ZFHX3: variants seen among roughly 807,000 people sequenced by gnomAD.
ZFHX3 encodes the protein zinc finger homeobox 3.
In ZFHX3, 42 loss-of-function variants were observed where a neutral mutation model predicts 279.1. The ratio of observed to expected loss-of-function variants is 0.15; its 90% CI spans 0.12 to 0.19. ZFHX3 has a LOEUF of 0.19. Among genes scored for constraint, ZFHX3 ranks in the 10% least tolerant of loss-of-function variants. ZFHX3 has a pLI of 1.00. For synonymous variants in ZFHX3, 2,293 were observed against 1,957.8 expected, an observed-to-expected ratio of 1.17 and a Z score of -4.52; for missense variants, 4,981 against 4,754.0, an observed-to-expected ratio of 1.05 and a Z score of -1.40.
intron 2 of ZFHX3, among the ~76,000 whole-genome samples, chr16:73,544,647 G>C (rs553559679): frequency 6.6e-6 from 1 of 152,284 alleles, no homozygotes; most frequent in Admixed American, 6.5e-5. Context: ...AAGGGGATGG[G>C]GATCTGGCCA....
At chr16:73,118,610 G>T (rs1355826880) in intron 7 of ZFHX3, among the ~76,000 whole-genome samples, 1 of 152,114 alleles carries the variant, frequency 6.6e-6, no homozygotes, top group African/African-American at 2.4e-5. Flanking sequence ...TGTATTGGGG[G>T]TAGATAACTT....
In ZFHX3 at chr16:73,654,004, G is replaced by A. The variant is rs539671840; in HGVS notation, c.-1547+26176C>T. On this transcript the variant is annotated intron_variant, in intron 2 of 17. Coordinates refer to the ZFHX3 transcript ENST00000641206. ...TCAAGACCATCCTGGCCAACATGGTGAAACCCCGTCTCTACTAAAAATACA... is the reference window on the plus strand; with the variant it reads ...TCAAGACCATCCTGGCCAACATGGTAAAACCCCGTCTCTACTAAAAATACA... 6.4e-4 allele frequency among the ~76,000 whole-genome samples: 97 copies of A among 152,072 alleles called. 2 individuals carry two copies. In the South Asian group the frequency reaches 0.018, roughly 29 times the overall value.
intron 4 of ZFHX3, among the ~76,000 whole-genome samples, chr16:73,292,100 A>T (rs2014786432): frequency 6.6e-6 from 1 of 152,188 alleles, no homozygotes; most frequent in Non-Finnish European, 1.5e-5. Flanking sequence ...TCTTATAGAT[A>T]GTTGTATAGA....
rs144048126 is a variant in ZFHX3, at chr16:73,197,594, A to G, written c.-1103-53763T>C. On this transcript the variant is annotated intron_variant, in intron 5 of 17. Coordinates refer to the ZFHX3 transcript ENST00000641206. ...CCCATGACTTATCTGGATATTTCAG[A>G]GAAAAGTATTTTCTTTTTGGGATTT... Among the ~76,000 whole-genome samples the G allele has an allele frequency of 6.2e-3, 948 of 152,358 alleles. 4 individuals carry two copies. Among genetic ancestry groups the G allele is most frequent in the Middle Eastern group, 0.017 (5 of 294 alleles).
chr16:73,210,700 A>C (rs575807429), intron 5 of ZFHX3, among the ~76,000 whole-genome samples: 65 of 152,192 alleles, frequency 4.3e-4, no homozygotes, highest in Admixed American at 1.8e-3. Context: ...TCAGCTCTGC[A>C]GAGGTGAGCT....
chr16:73,262,944 G>C (rs1048952515), intron 4 of ZFHX3, among the ~76,000 whole-genome samples: 2 of 152,030 alleles, frequency 1.3e-5, no homozygotes, highest in Non-Finnish European at 2.9e-5. Context: ...TGAGTGAGGG[G>C]CCCCAGAGCT....
rs369348394 is a variant in ZFHX3 at position 72,925,131 on chromosome 16, C to T, written c.3216+25338G>A. ...TACAATCTGTGCTTTGTGTGCTGTG[C>T]AAATAACCTGTGGGGCTGGAGCAAG... On this transcript the variant is annotated intron_variant, in intron 3 of 9. Coordinates refer to ENST00000268489, the MANE Select transcript of ZFHX3 (RefSeq NM_006885.4). Among the ~76,000 whole-genome samples, 100 of 152,314 alleles carry T rather than the reference C, an allele frequency of 6.6e-4. 2 individuals are homozygous for T. The South Asian group carries it at 0.02, about 30-fold the overall frequency.
At chr16:73,853,730 T>C (rs1017901173) in intron 1 of ZFHX3, among the ~76,000 whole-genome samples, 1 of 152,134 alleles carries the variant, frequency 6.6e-6, no homozygotes, top group Non-Finnish European at 1.5e-5. Context: ...CCAGGTACAA[T>C]GTTGACTATT....
intron 6 of ZFHX3, among the ~76,000 whole-genome samples, chr16:73,134,798 A>G (rs1415997144): frequency 1.3e-5 from 2 of 152,090 alleles, no homozygotes; most frequent in Non-Finnish European, 2.9e-5. Flanking sequence ...TTGGCTGCCA[A>G]TAAAATGTAA....
intron 1 of ZFHX3, among the ~76,000 whole-genome samples, chr16:73,797,734 C>G (rs73602093): frequency 6.7e-6 from 1 of 150,318 alleles, no homozygotes; most frequent in Non-Finnish European, 1.5e-5. Flanking sequence ...TCAGTTTCTT[C>G]GTCTAAAAAT....
At chr16:72,811,394 G>C (rs1285223686) in intron 7 of ZFHX3, among the ~76,000 whole-genome samples, 183 bp downstream of exon 7, 1 of 152,184 alleles carries the variant, frequency 6.6e-6, no homozygotes, top group African/African-American at 2.4e-5. Context: ...AGCACTTTGG[G>C]CTATGGTCAT....
intron 5 of ZFHX3, among the ~76,000 whole-genome samples, chr16:73,243,981 T>C (rs2013205610): frequency 6.6e-6 from 1 of 152,214 alleles, no homozygotes; most frequent in African/African-American, 2.4e-5. Context: ...CTCAGTTGGA[T>C]GTGAGGTCTG....
intron 1 of ZFHX3, among the ~76,000 whole-genome samples, chr16:73,792,753 C>T (rs1486700081): frequency 6.6e-6 from 1 of 152,074 alleles, no homozygotes; most frequent in Non-Finnish European, 1.5e-5. Flanking sequence ...AGGCTGGCGG[C>T]TCAAGGGTTA....
intron 1 of ZFHX3, among the ~76,000 whole-genome samples, chr16:73,845,177 G>A (rs760175244): frequency 5.3e-5 from 8 of 152,152 alleles, no homozygotes; most frequent in Admixed American, 2.0e-4. Flanking sequence ...ACATGCACGC[G>A]ACCATAGGAA....
chr16:73,450,897 C>G (rs999591868), intron 3 of ZFHX3, among the ~76,000 whole-genome samples: 4 of 149,444 alleles, frequency 2.7e-5, no homozygotes, highest in African/African-American at 1.0e-4. Context: ...TTTTATTTTT[C>G]TTGGCTGCTT....
At chr16:72,803,513 T>TG (rs2036174797) in intron 7 of ZFHX3, among the ~76,000 whole-genome samples, 1 of 152,114 alleles carries the variant, frequency 6.6e-6, no homozygotes, top group Admixed American at 6.5e-5. Context: ...TACCACCAAT[T>TG]TTCCTGCAGA....
At chr16:73,154,666 A>ATGGTAATTTGAGGC (rs1227296910) in intron 5 of ZFHX3, among the ~76,000 whole-genome samples, 2 of 152,202 alleles carry the variant, frequency 1.3e-5, no homozygotes, top group Admixed American at 6.5e-5. Flanking sequence ...GATAGTTACT[A>ATGGTAATTTGAGGC]TGGTAATTTG....
intron 3 of ZFHX3, among the ~76,000 whole-genome samples, chr16:73,369,420 G>A (rs28609684): frequency 2.6e-5 from 4 of 152,290 alleles, no homozygotes; most frequent in East Asian, 3.9e-4. Context: ...TGCACAAATC[G>A]AATGCCCGTG....
intron 1 of ZFHX3, among the ~76,000 whole-genome samples, chr16:73,778,265 A>G (rs1012982497): frequency 2.1e-5 from 3 of 142,606 alleles, no homozygotes; most frequent in African/African-American, 7.7e-5. Flanking sequence ...AAAAAAAAGC[A>G]TTGGACTTCA....
Sources: gnomAD v4.1 joint callset for allele counts (sites outside exome capture counted in the v4.1 genomes callset) on GRCh38, gnomAD v4.1.1 for gene constraint, MANE v1.5 for transcripts, NCBI Gene and HGNC (gene_info 2026-07-23, HGNC 2026-07-21) for gene names.